Variants in PSMG2 observed in about 807,000 individuals in gnomAD.
PSMG2 encodes the protein proteasome assembly chaperone 2, also known as CD40 ligand-activated specific transcript 3.
PSMG2 carries 21 observed loss-of-function variants against 31.5 expected under a neutral mutation model. That is an observed-to-expected ratio of 0.67 (90% CI 0.47 to 0.96). PSMG2 has a LOEUF of 0.96. PSMG2 is among the 40% of genes least tolerant of loss of function. The pLI is 0.00. For missense variants in PSMG2, 318 were observed against 321.2 expected (o/e 0.99, Z 0.08); for synonymous variants, 120 against 110.4 (o/e 1.09, Z -0.54).
intron 1 of PSMG2, chr18:12,672,820 T>C: frequency 1.0e-6 from 1 of 984,594 alleles, no homozygotes; most frequent in Non-Finnish European, 1.2e-6. Context: ...TGCTTCAAGG[T>C]CCAACCATAA....
intron 1 of PSMG2, chr18:12,677,988 G>C (rs2039204596): frequency 1.5e-6 from 1 of 687,216 alleles, no homozygotes; most frequent in African/African-American, 1.8e-5. Context: ...CATAATAGTA[G>C]GGACTGTAGT....
intron 1 of PSMG2, among the ~76,000 whole-genome samples, chr18:12,671,332 G>T (rs940163571): frequency 2.0e-5 from 3 of 152,024 alleles, no homozygotes; most frequent in Non-Finnish European, 4.4e-5. Context: ...GTGATTAAAA[G>T]AATTAATAAC....
chr18:12,680,816 C>T lies in PSMG2; in HGVS notation c.-37+22043C>T, dbSNP rs528700233. The T allele has an allele frequency of 2.5e-6, 4 of 1,609,388 alleles. No homozygotes were observed. The Admixed American group carries it at 5.1e-5, about 21-fold the overall frequency. ...AGGCTGCACAGAAGGTTAGCGTGAT[C>T]TTCACAGTCACCCTGGAAGATAAAT... On this transcript the variant is annotated intron_variant, in intron 1 of 6. Transcript: ENST00000585331.
At chr18:12,672,727 A>G (rs1037144035) in intron 1 of PSMG2, 1 of 971,218 alleles carries the variant, frequency 1.0e-6, no homozygotes, top group African/African-American at 1.8e-5. Context: ...AATCACAGTG[A>G]TAAATATTTC....
chr18:12,707,331 T>C (rs2145134260), intron 2 of PSMG2, among the ~76,000 whole-genome samples: 1 of 152,294 alleles, frequency 6.6e-6, no homozygotes, highest in South Asian at 2.1e-4. Context: ...CTATCCTCAG[T>C]TTTATCTCCT....
At chr18:12,676,289 T>G (rs1422813165) in intron 1 of PSMG2, among the ~76,000 whole-genome samples, 1 of 147,488 alleles carries the variant, frequency 6.8e-6, no homozygotes, top group Admixed American at 6.8e-5. Flanking sequence ...CTTTTTTTTT[T>G]TTTTTTTTTT....
chr18:12,669,978 C>T (rs2038901526), intron 1 of PSMG2, among the ~76,000 whole-genome samples: 1 of 105,704 alleles, frequency 9.5e-6, no homozygotes, highest in South Asian at 2.7e-4. Flanking sequence ...GCCTGGGCAA[C>T]AAGAGCCAAA....
At position 12,724,425 on chromosome 18, in the gene PSMG2, G is replaced by A. The variant is rs182425523; in HGVS notation, c.582-74G>A. 80 of 1,397,550 alleles carry A rather than the reference G, an allele frequency of 5.7e-5. 1 individual carries two copies. The East Asian group carries it at 7.8e-4, about 14-fold the overall frequency. The allele number at this position is 1,397,550 out of a possible 1,614,324, so 86.6% of individuals were successfully genotyped here. A position where few individuals can be genotyped will look rare whatever the true frequency, so the allele number is the denominator to read the frequency against. ...CTAAACCAGGTAGGTTATCGTAGCT[G>A]TAAAAACAGACACACTAGAGTCAGC... On this transcript the variant is annotated intron_variant, in intron 5 of 6. Coordinates refer to ENST00000317615, the MANE Select transcript of PSMG2 (RefSeq NM_020232.5).
chr18:12,680,724 T>C (rs1400765866), intron 1 of PSMG2: 3 of 1,613,760 alleles, frequency 1.9e-6, no homozygotes, highest in South Asian at 2.2e-5. Flanking sequence ...TCATAACCCA[T>C]GCATGAGGTA....
At chr18:12,695,865 C>CAG (rs2039937540) in intron 1 of PSMG2, among the ~76,000 whole-genome samples, 1 of 151,516 alleles carries the variant, frequency 6.6e-6, no homozygotes, top group Non-Finnish European at 1.5e-5. Flanking sequence ...CACACACACA[C>CAG]ACACACACAC....
At chr18:12,678,049 AAC>A (rs2145000755) in intron 1 of PSMG2, 2 of 1,385,298 alleles carry the variant, frequency 1.4e-6, no homozygotes, top group Non-Finnish European at 2.0e-6. Flanking sequence ...CACACCAAAA[AAC>A]AGTTAAATAC....
At chr18:12,661,426 G>A in intron 1 of PSMG2, 1 of 848,596 alleles carries the variant, frequency 1.2e-6, no homozygotes, top group Non-Finnish European at 1.4e-6. Flanking sequence ...TGGAGTTCTA[G>A]CACCCCTGTG....
intron 1 of PSMG2, among the ~76,000 whole-genome samples, chr18:12,694,937 G>T (rs995360063): frequency 6.6e-6 from 1 of 151,340 alleles, no homozygotes; most frequent in African/African-American, 2.4e-5. Flanking sequence ...GGATGGTCAC[G>T]ATCTCCTGAC....
chr18:12,698,708 A>G (rs2040046261), upstream of PSMG2: 6 of 376,566 alleles, frequency 1.6e-5, no homozygotes, highest in Non-Finnish European at 2.9e-5. Flanking sequence ...CCTGCCTAGC[A>G]TAACACTATG....
chr18:12,721,774 G>T (rs1475640335), intron 5 of PSMG2, among the ~76,000 whole-genome samples: 1 of 151,514 alleles, frequency 6.6e-6, no homozygotes, highest in Non-Finnish European at 1.5e-5. Flanking sequence ...GCTAGCTTTG[G>T]ATTTGATTTG....
chr18:12,721,269 C>T (rs2847255), intron 5 of PSMG2, among the ~76,000 whole-genome samples: 121,942 of 152,208 alleles, frequency 0.8, 49,333 homozygotes, highest in Non-Finnish European at 0.85. Flanking sequence ...TATAGAAGAA[C>T]TGGTTTCTCA....
intron 1 of PSMG2, among the ~76,000 whole-genome samples, chr18:12,704,974 C>G (rs1403189909): frequency 4.6e-5 from 7 of 152,038 alleles, no homozygotes; most frequent in Middle Eastern, 6.9e-3. Flanking sequence ...TAAAAGGATA[C>G]TTGGGGGATA....
chr18:12,725,604 A>C lies in PSMG2; in HGVS notation c.*73A>C. The C allele has an allele frequency of 1.8e-6, 2 of 1,136,442 alleles. No homozygotes were observed. The highest frequency in any genetic ancestry group is 2.5e-6 in the Non-Finnish European group (2 of 799,694). 70.4% of individuals were successfully genotyped at this position (1,136,442 alleles called of 1,614,324 possible). A position where few individuals can be genotyped will look rare whatever the true frequency, so the allele number is the denominator to read the frequency against. On this transcript the variant is annotated 3_prime_UTR_variant, in exon 7 of 7. Transcript: ENST00000317615. ...CAGCTGTTAAACATTCTATACAAAA[A>C]AATTGTATGATCTGGTATTAGGAAA...
chr18:12,711,968 A>G (rs1490121443), intron 2 of PSMG2, among the ~76,000 whole-genome samples: 1 of 152,002 alleles, frequency 6.6e-6, no homozygotes, highest in Non-Finnish European at 1.5e-5. Flanking sequence ...CATGTTAGCT[A>G]GGATGATCTT....
Sources: gnomAD v4.1 joint callset for allele counts (sites outside exome capture counted in the v4.1 genomes callset) on GRCh38, gnomAD v4.1.1 for gene constraint, MANE v1.5 for transcripts, NCBI Gene and HGNC (gene_info 2026-07-23, HGNC 2026-07-21) for gene names.